Variants in KCTD14 observed in about 807,000 individuals in gnomAD.
KCTD14 encodes potassium channel tetramerization domain containing 14.
KCTD14 carries 7 observed loss-of-function variants against 5.9 expected under a neutral mutation model. The ratio of observed to expected loss-of-function variants is 1.19; its 90% CI spans 0.68 to 2.23. KCTD14 has a LOEUF of 2.23. Ranked by LOEUF, KCTD14 falls within the 30% of genes most tolerant of loss-of-function variation. KCTD14 has a pLI of 0.00. For missense variants in KCTD14, 342 were observed against 332.2 expected (o/e 1.03, Z -0.23); for synonymous variants, 140 against 133.1 (o/e 1.05, Z -0.36).
chr11:78,017,889 G>A (rs1857213966), intron 1 of KCTD14, among the ~76,000 whole-genome samples: 1 of 151,976 alleles, frequency 6.6e-6, no homozygotes, highest in South Asian at 2.1e-4. Flanking sequence ...CTGAGGTCAG[G>A]AGTTCAAGAC....
chr11:78,025,595 G>A (rs1435478073), upstream of KCTD14, among the ~76,000 whole-genome samples: 1 of 152,200 alleles, frequency 6.6e-6, no homozygotes, highest in East Asian at 1.9e-4. Context: ...GCAAGGCTGA[G>A]TTCCCTTATG....
intron 2 of KCTD14, among the ~76,000 whole-genome samples, chr11:78,032,377 G>T (rs891859670): frequency 4.1e-5 from 6 of 144,736 alleles, no homozygotes; most frequent in African/African-American, 1.5e-4. Context: ...AATGCCTCTT[G>T]CAAGGCACAG....
intron 1 of KCTD14, among the ~76,000 whole-genome samples, chr11:78,040,925 C>T (rs1300874889): frequency 6.6e-6 from 1 of 152,186 alleles, no homozygotes; most frequent in Non-Finnish European, 1.5e-5. Flanking sequence ...CCGCCTCAAC[C>T]TCCTGAAGTG....
At chr11:78,039,326 G>C (rs1347428147) in intron 1 of KCTD14, among the ~76,000 whole-genome samples, 2 of 151,782 alleles carry the variant, frequency 1.3e-5, no homozygotes, top group African/African-American at 4.8e-5. Context: ...AGACCAGCCT[G>C]GAAAATGTGG....
rs1006652109 is a variant in KCTD14 at position 78,038,960 on chromosome 11, C to G, written c.-95-202G>C. Among the ~76,000 whole-genome samples, 3 of 150,296 alleles carry G rather than the reference C, an allele frequency of 2.0e-5. No individual in the cohort carries two copies. The South Asian group carries it at 6.3e-4, about 32-fold the overall frequency. On this transcript the variant is annotated intron_variant, in intron 1 of 2. Transcript: ENST00000533144. ...CCATCTCTTGCAAGGGATTCCATAG[C>G]GGGAGCAAGGGCCAGGAATTGGCGC...
At chr11:78,044,237 G>A (rs1309708032) in intron 1 of KCTD14, among the ~76,000 whole-genome samples, 2 of 152,166 alleles carry the variant, frequency 1.3e-5, no homozygotes, top group Non-Finnish European at 2.9e-5. Flanking sequence ...GAGTCTTGGA[G>A]GTGGAGACTC....
intron 2 of KCTD14, among the ~76,000 whole-genome samples, chr11:78,031,055 T>G (rs1467319340): frequency 2.0e-5 from 3 of 150,970 alleles, no homozygotes; most frequent in South Asian, 2.1e-4. Context: ...GGTTTTTTTT[T>G]TTTTTTTTTT....
chr11:78,019,221 C>T (rs1857251633), intron 1 of KCTD14, among the ~76,000 whole-genome samples: 1 of 151,994 alleles, frequency 6.6e-6, no homozygotes, highest in South Asian at 2.1e-4. Flanking sequence ...ACCATGTTGG[C>T]CAGGCTGGTC....
upstream of KCTD14, among the ~76,000 whole-genome samples, chr11:78,027,501 T>A (rs1857500447): frequency 6.6e-6 from 1 of 152,000 alleles, no homozygotes; most frequent in Non-Finnish European, 1.5e-5. Flanking sequence ...TAGCTGGGAT[T>A]GCAGGCATGT....
In KCTD14 at chr11:78,031,287, A is replaced by G. The variant is rs191570994; in HGVS notation, c.-1+7377T>C. ...GGTCTCAAACCCCTGAGCTCAAGCA[A>G]TCTTTCTACCTTGGCCTCCCAAAGT... On this transcript the variant is annotated intron_variant, in intron 2 of 2. Transcript: ENST00000533144. 3.3e-5 allele frequency among the ~76,000 whole-genome samples: 5 copies of G among 152,124 alleles called. No individual in the cohort carries two copies. In the East Asian group the frequency reaches 5.8e-4, roughly 18 times the overall value.
At chr11:78,031,974 G>A (rs1286791259) in intron 2 of KCTD14, among the ~76,000 whole-genome samples, 1 of 152,228 alleles carries the variant, frequency 6.6e-6, no homozygotes, top group Non-Finnish European at 1.5e-5. Flanking sequence ...GTGAACCAAT[G>A]TGTCCTCCTT....
At chr11:78,036,935 TAC>T (rs1430704124) in intron 2 of KCTD14, among the ~76,000 whole-genome samples, 5 of 152,216 alleles carry the variant, frequency 3.3e-5, no homozygotes, top group South Asian at 2.1e-4. Context: ...CCAGGCATTT[TAC>T]ACAGTTTGTC....
chr11:78,019,182 T>A (rs1382270173), intron 1 of KCTD14, among the ~76,000 whole-genome samples: 1 of 151,540 alleles, frequency 6.6e-6, no homozygotes, highest in Non-Finnish European at 1.5e-5. Flanking sequence ...CCTGGCTAAT[T>A]TTTGTATTTT....
At chr11:78,042,601 G>A (rs1002516960) in intron 1 of KCTD14, among the ~76,000 whole-genome samples, 3 of 152,194 alleles carry the variant, frequency 2.0e-5, no homozygotes, top group African/African-American at 7.2e-5. Context: ...CATCTCCTAC[G>A]TGGCATGGCC....
At chr11:78,018,542 A>G (rs1857231070) in intron 1 of KCTD14, among the ~76,000 whole-genome samples, 1 of 152,044 alleles carries the variant, frequency 6.6e-6, no homozygotes, top group African/African-American at 2.4e-5. Context: ...CCCCATCTCT[A>G]CTAAAAATAC....
At chr11:78,027,205 GT>G (rs1333115530), upstream of KCTD14, among the ~76,000 whole-genome samples, 1 of 152,098 alleles carries the variant, frequency 6.6e-6, no homozygotes, top group Non-Finnish European at 1.5e-5. Context: ...GCTGGAAGGG[GT>G]TGTGGGGGCT....
intron 1 of KCTD14, among the ~76,000 whole-genome samples, chr11:78,040,291 T>C (rs764914423): frequency 5.9e-5 from 9 of 152,194 alleles, no homozygotes; most frequent in East Asian, 1.9e-4. Flanking sequence ...TCCTGCTCCA[T>C]GTTCTTTTTC....
rs1368710358 is a variant in KCTD14, at chr11:78,033,621, G to T, written c.-1+5043C>A. ...CACTTGAACCCAGGAGGCAGAGGTTGCAGTGAGCTGAGATTGTACCACTGT... is the reference window on the plus strand; with the variant it reads ...CACTTGAACCCAGGAGGCAGAGGTTTCAGTGAGCTGAGATTGTACCACTGT... On this transcript the variant is annotated intron_variant, in intron 2 of 2. Transcript: ENST00000533144. Among the ~76,000 whole-genome samples the T allele has an allele frequency of 2.0e-5, 3 of 150,972 alleles. No homozygotes were observed. In the East Asian group the frequency reaches 5.8e-4, roughly 29 times the overall value.
intron 2 of KCTD14, among the ~76,000 whole-genome samples, chr11:78,032,703 C>CTTTTTTT (rs35820886): frequency 8.1e-6 from 1 of 123,550 alleles, no homozygotes; most frequent in Non-Finnish European, 1.6e-5. Context: ...TGATCTACTT[C>CTTTTTTT]TTTTTTTTTT....
Sources: allele counts gnomAD v4.1 joint callset (sites outside exome capture counted in the v4.1 genomes callset), GRCh38; gene constraint gnomAD v4.1.1; transcripts MANE v1.5; gene names NCBI Gene and HGNC (gene_info 2026-07-23, HGNC 2026-07-21).